Variants in SHC3 observed in about 807,000 individuals in gnomAD.
SHC3 encodes SHC-transforming protein 3.
In SHC3, 15 loss-of-function variants were observed where a neutral mutation model predicts 60.4. That is an observed-to-expected ratio of 0.25 (90% confidence interval 0.17 to 0.38). The LOEUF (loss-of-function observed/expected upper bound fraction) is 0.38, where lower values mean the gene tolerates loss of function less well. SHC3 is among the 10% of genes least tolerant of loss of function. The pLI is 1.00. For synonymous variants in SHC3, 294 were observed against 325.9 expected, an observed-to-expected ratio of 0.90 and a Z score of 1.05; for missense variants, 677 against 786.1, an observed-to-expected ratio of 0.86 and a Z score of 1.66.
At position 89,128,131 on chromosome 9, in the gene SHC3, A is replaced by G. The variant is rs563795123; in HGVS notation, c.475-15505T>C. ...AATAAGAGTTTAAATAAAATATTTT[A>G]TCAGAAAAAGAAAAAATATAATGCC... is the stretch of plus-strand genomic sequence containing the variant. On this transcript the variant is annotated intron_variant, in intron 1 of 11. Coordinates refer to ENST00000375835, the MANE Select transcript of SHC3 (RefSeq NM_016848.6). Among the ~76,000 whole-genome samples, 198 of 152,246 alleles carry G rather than the reference A, an allele frequency of 1.3e-3. 1 individual carries two copies. Among genetic ancestry groups the G allele is most frequent in the African/African-American group, 4.7e-3 (194 of 41,530 alleles).
intron 11 of SHC3, among the ~76,000 whole-genome samples, chr9:89,016,640 T>C (rs756147618): frequency 2.0e-5 from 3 of 152,206 alleles, no homozygotes; most frequent in Non-Finnish European, 4.4e-5. Context: ...TCTCAGAAGA[T>C]AGAATCAGAG....
intron 2 of SHC3, among the ~76,000 whole-genome samples, chr9:89,091,327 G>A (rs1825618233): frequency 6.6e-6 from 1 of 152,166 alleles, no homozygotes; most frequent in Non-Finnish European, 1.5e-5. Context: ...AAATGCATCA[G>A]CAGAAAACAA....
At chr9:89,140,763 T>C (rs1826381758) in intron 1 of SHC3, among the ~76,000 whole-genome samples, 1 of 152,144 alleles carries the variant, frequency 6.6e-6, no homozygotes, top group African/African-American at 2.4e-5. Flanking sequence ...ACTTCCTCTG[T>C]TTTTCTCCAG....
chr9:89,046,614 A>G (rs1824779169), intron 8 of SHC3, among the ~76,000 whole-genome samples: 1 of 152,190 alleles, frequency 6.6e-6, no homozygotes, highest in Admixed American at 6.5e-5. Flanking sequence ...CCAGACTCAT[A>G]TCCCAGGAAT....
chr9:89,041,133 T>C (rs555134765), intron 10 of SHC3, among the ~76,000 whole-genome samples: 1 of 152,374 alleles, frequency 6.6e-6, no homozygotes, highest in Admixed American at 6.5e-5. Context: ...CTCTTCAGCC[T>C]ATAAAATTCT....
At chr9:89,173,099 C>A (rs935403794) in intron 1 of SHC3, among the ~76,000 whole-genome samples, 7 of 152,264 alleles carry the variant, frequency 4.6e-5, no homozygotes, top group Non-Finnish European at 8.8e-5. Context: ...ACAACCCTGC[C>A]TTCAACTTGC....
intron 2 of SHC3, among the ~76,000 whole-genome samples, chr9:89,107,175 G>A (rs1189224100): frequency 6.6e-6 from 1 of 152,144 alleles, no homozygotes; most frequent in Non-Finnish European, 1.5e-5. Context: ...TCGTACACCT[G>A]CCATATTGTT....
chr9:89,035,679 AG>A (rs2117862783), intron 11 of SHC3, among the ~76,000 whole-genome samples: 1 of 152,004 alleles, frequency 6.6e-6, no homozygotes, highest in African/African-American at 2.4e-5. Flanking sequence ...AGCCTCGGCC[AG>A]GTGTGGTGGC....
intron 4 of SHC3, among the ~76,000 whole-genome samples, chr9:89,074,309 C>T (rs899465772): frequency 6.6e-6 from 1 of 152,132 alleles, no homozygotes; most frequent in Admixed American, 6.5e-5. Context: ...GCTCCGATAG[C>T]CAGCCCCAGA....
rs1825943755 is a variant in SHC3, at chr9:89,006,558, CA to C, written c.*6888del. On this transcript the variant is annotated 3_prime_UTR_variant, in exon 12 of 12. Transcript: ENST00000375835. ...TTTGTTTCACAAAAGTTAATGGAAA[CA>C]AAACAACTTTCAGATAATATTCATT... The C allele has an allele frequency of 6.6e-6, 1 of 152,174 alleles. No individual in the cohort carries two copies. The highest frequency in any genetic ancestry group is 1.5e-5 in the Non-Finnish European group (1 of 68,024). 9.4% of individuals were successfully genotyped at this position (152,174 alleles called of 1,614,324 possible). A position where few individuals can be genotyped will look rare whatever the true frequency, so the allele number is the denominator to read the frequency against.
chr9:89,109,051 C>T (rs1334098075), intron 2 of SHC3: 1 of 985,426 alleles, frequency 1.0e-6, no homozygotes, highest in Admixed American at 6.2e-5. Flanking sequence ...ACCTTACCTG[C>T]CCTTCTTCCT....
chr9:89,167,768 T>C (rs1268552076), intron 1 of SHC3, among the ~76,000 whole-genome samples: 2 of 152,264 alleles, frequency 1.3e-5, no homozygotes, highest in Non-Finnish European at 1.5e-5. Flanking sequence ...ATTATTATTA[T>C]GCTATTATTG....
At chr9:89,068,545 A>C (rs1825218928) in intron 5 of SHC3, among the ~76,000 whole-genome samples, 1 of 152,232 alleles carries the variant, frequency 6.6e-6, no homozygotes, top group Non-Finnish European at 1.5e-5. Flanking sequence ...ATTGGTTAAA[A>C]TGGAAAGTAA....
At chr9:89,065,015 T>C (rs754272507) in intron 6 of SHC3, among the ~76,000 whole-genome samples, 23 of 152,154 alleles carry the variant, frequency 1.5e-4, no homozygotes, top group Non-Finnish European at 2.8e-4. Context: ...ACCCCAGGTA[T>C]GCTACCATCC....
At chr9:89,094,445 C>T (rs190849816) in intron 2 of SHC3, among the ~76,000 whole-genome samples, 6 of 152,244 alleles carry the variant, frequency 3.9e-5, no homozygotes, top group Non-Finnish European at 5.9e-5. Context: ...AGAAACATTT[C>T]AAAGAAGAGC....
chr9:89,178,434 G>T lies in SHC3; in HGVS notation c.27C>A (p.Arg9=), dbSNP rs775942885. Residue 9 remains arginine (R), a synonymous_variant, in exon 1 of 12, where the codon CGC becomes CGA. Transcript: ENST00000375835. The surrounding 1 kb of genome is among the most constrained non-coding windows in gnomAD (Gnocchi z 6.9). MLPRTKYN[R]FRNDSVTSVD... is the part of the protein sequence containing the mutation. ...CCGATGTCACCGAGTCATTCCTGAAGCGGTTATACTTGGTGCGTGGAAGCA... is the reference window on the plus strand; with the variant it reads ...CCGATGTCACCGAGTCATTCCTGAATCGGTTATACTTGGTGCGTGGAAGCA... 2.7e-5 allele frequency: 40 copies of T among 1,507,280 alleles called. No homozygotes were observed. The highest frequency in any genetic ancestry group is 3.2e-5 in the Non-Finnish European group (36 of 1,123,338). The allele number at this position is 1,507,280 out of a possible 1,614,324, so 93.4% of individuals were successfully genotyped here.
chr9:89,046,649 G>A (rs1472123177), intron 8 of SHC3, among the ~76,000 whole-genome samples, 195 bp downstream of exon 8: 3 of 152,104 alleles, frequency 2.0e-5, no homozygotes, highest in Non-Finnish European at 2.9e-5. Context: ...AAAGCATTTG[G>A]CCAATGCTTT....
At chr9:89,039,158 A>G (rs770265947) in intron 10 of SHC3, among the ~76,000 whole-genome samples, 1 of 152,256 alleles carries the variant, frequency 6.6e-6, no homozygotes, top group African/African-American at 2.4e-5. Context: ...CTGTCTACCC[A>G]TAAGCATACA....
intron 6 of SHC3, among the ~76,000 whole-genome samples, chr9:89,053,918 C>G (rs1221214585): frequency 6.6e-6 from 1 of 152,192 alleles, no homozygotes; most frequent in Admixed American, 6.5e-5. Context: ...CTGACCTGTC[C>G]TGTGCCACGC....
Sources: allele counts gnomAD v4.1 joint callset (sites outside exome capture counted in the v4.1 genomes callset), GRCh38; gene constraint gnomAD v4.1.1; non-coding constraint Gnocchi (gnomAD v3.1); transcripts MANE v1.5; gene names NCBI Gene and HGNC (gene_info 2026-07-23, HGNC 2026-07-21).